CACNB2: variants seen among roughly 807,000 people sequenced by gnomAD.
CACNB2 encodes the protein voltage-dependent L-type calcium channel subunit beta-2.
In CACNB2, 42 loss-of-function variants were observed where a neutral mutation model predicts 73.3. That is an observed-to-expected ratio of 0.57 (90% confidence interval 0.45 to 0.74). CACNB2 has a LOEUF of 0.74. Ranked by LOEUF, CACNB2 falls within the 30% of genes least tolerant of loss-of-function variation. The probability of loss-of-function intolerance (pLI) is 0.00; values close to 1 mark genes in which losing one functional copy is unlikely to be tolerated. For synonymous variants in CACNB2, 348 were observed against 310.3 expected, an observed-to-expected ratio of 1.12 and a Z score of -1.28; for missense variants, 940 against 853.0, an observed-to-expected ratio of 1.10 and a Z score of -1.27.
At chr10:18,482,761 C>G (rs912663061) in intron 3 of CACNB2, among the ~76,000 whole-genome samples, 1 of 152,146 alleles carries the variant, frequency 6.6e-6, no homozygotes, top group South Asian at 2.1e-4. Flanking sequence ...ATCCGCCCAC[C>G]TCACCCTCCC....
At chr10:18,374,005 A>G (rs375627413) in intron 2 of CACNB2, among the ~76,000 whole-genome samples, 2 of 152,356 alleles carry the variant, frequency 1.3e-5, no homozygotes, top group African/African-American at 4.8e-5. Context: ...TCACACTCCC[A>G]TATTGCATTG....
chr10:18,418,734 A>G (rs1262518656), intron 3 of CACNB2, among the ~76,000 whole-genome samples: 1 of 152,216 alleles, frequency 6.6e-6, no homozygotes, highest in East Asian at 1.9e-4. Flanking sequence ...TGGTCTATAA[A>G]TGTGTTCTGA....
At chr10:18,523,505 T>C (rs10828834) in intron 9 of CACNB2, among the ~76,000 whole-genome samples, 121,468 of 151,828 alleles carry the variant, frequency 0.8, 48,682 homozygotes, top group East Asian at 0.98. Context: ...GAAGTAACTT[T>C]CATATGGTTT....
rs183407945 is a variant in CACNB2, at chr10:18,527,468, T to A, written c.945-120T>A. 889 of 726,882 alleles carry A rather than the reference T, an allele frequency of 1.2e-3. 9 individuals carry two copies. The African/African-American group carries it at 0.013, about 11-fold the overall frequency. 45.0% of individuals were successfully genotyped at this position (726,882 alleles called of 1,614,324 possible). On this transcript the variant is annotated intron_variant, in intron 9 of 13. Transcript: ENST00000324631. ...GAATAAGTAAGTATCCTAACACATA[T>A]GGTTTGAAAATATGGTTGCTATATA... is the stretch of plus-strand genomic sequence containing the variant.
intron 2 of CACNB2, among the ~76,000 whole-genome samples, chr10:18,296,181 CA>C (rs1157818944): frequency 1.3e-5 from 2 of 152,024 alleles, no homozygotes; most frequent in Non-Finnish European, 2.9e-5. Context: ...CCGACAATAA[CA>C]GTTTCTAAAA....
At chr10:18,209,257 C>A (rs1330050344) in intron 2 of CACNB2, among the ~76,000 whole-genome samples, 7 of 152,144 alleles carry the variant, frequency 4.6e-5, no homozygotes, top group Non-Finnish European at 1.0e-4. Flanking sequence ...TTGACGGCAA[C>A]ATCACCTGCA....
chr10:18,198,907 T>G (rs1006894553), intron 2 of CACNB2, among the ~76,000 whole-genome samples: 2 of 152,224 alleles, frequency 1.3e-5, no homozygotes, highest in Non-Finnish European at 2.9e-5. Flanking sequence ...AATGTTAAAA[T>G]TCACTCATTA....
chr10:18,290,280 G>A (rs529957427), intron 2 of CACNB2, among the ~76,000 whole-genome samples: 3 of 151,766 alleles, frequency 2.0e-5, no homozygotes, highest in African/African-American at 7.2e-5. Flanking sequence ...GCCCACCTCG[G>A]CCTCCGAAAA....
At chr10:18,151,525 C>A (rs1391687914) in intron 2 of CACNB2, among the ~76,000 whole-genome samples, 4 of 152,260 alleles carry the variant, frequency 2.6e-5, no homozygotes, top group Non-Finnish European at 2.9e-5. Context: ...GTAGTATCTT[C>A]CTGCCAAGCA....
At chr10:18,345,022 A>G (rs780265070) in intron 2 of CACNB2, among the ~76,000 whole-genome samples, 3 of 152,224 alleles carry the variant, frequency 2.0e-5, no homozygotes, top group African/African-American at 4.8e-5. Flanking sequence ...TCAGCATAAT[A>G]TAACATCGTG....
intron 3 of CACNB2, among the ~76,000 whole-genome samples, chr10:18,404,151 T>A (rs983394437): frequency 1.8e-4 from 28 of 152,150 alleles, no homozygotes; most frequent in African/African-American, 6.3e-4. Flanking sequence ...ATTTATATTT[T>A]TTCTTTAAAA....
intron 3 of CACNB2, among the ~76,000 whole-genome samples, chr10:18,417,482 C>T (rs1180760578): frequency 6.6e-6 from 1 of 150,556 alleles, no homozygotes; most frequent in Non-Finnish European, 1.5e-5. Context: ...GATTCTCCTG[C>T]CTCAGCCTCC....
intron 3 of CACNB2, among the ~76,000 whole-genome samples, chr10:18,447,984 A>G (rs982313541): frequency 3.9e-5 from 6 of 152,092 alleles, no homozygotes; most frequent in African/African-American, 1.4e-4. Flanking sequence ...GGAGAGGGAA[A>G]GACACTTTCT....
chr10:18,263,361 C>T (rs1466484174), intron 2 of CACNB2, among the ~76,000 whole-genome samples: 3 of 152,270 alleles, frequency 2.0e-5, no homozygotes, highest in South Asian at 2.1e-4. Flanking sequence ...GTTAGGACCT[C>T]GTCATACTGG....
intron 3 of CACNB2, among the ~76,000 whole-genome samples, chr10:18,413,138 T>C (rs111308776): frequency 1.5e-3 from 222 of 152,194 alleles, no homozygotes; most frequent in Non-Finnish European, 2.3e-3. Flanking sequence ...ACCCAGGTAA[T>C]TTTTTGTATT....
intron 3 of CACNB2, among the ~76,000 whole-genome samples, chr10:18,410,097 TC>T (rs993874548): frequency 3.3e-5 from 5 of 152,122 alleles, no homozygotes; most frequent in African/African-American, 1.2e-4. Flanking sequence ...CAGTTCCACC[TC>T]CTTGCCAGGG....
At chr10:18,244,058 G>T (rs2036767884) in intron 2 of CACNB2, among the ~76,000 whole-genome samples, 1 of 152,152 alleles carries the variant, frequency 6.6e-6, no homozygotes, top group African/African-American at 2.4e-5. Context: ...AACTAATAAT[G>T]CAATGTGGCA....
At chr10:18,503,473 G>C (rs915257211) in intron 5 of CACNB2, among the ~76,000 whole-genome samples, 5 of 152,294 alleles carry the variant, frequency 3.3e-5, no homozygotes, top group Admixed American at 3.3e-4. Context: ...GTGCACACCT[G>C]TAACCCCAGC....
At chr10:18,258,058 A>G (rs967031368) in intron 2 of CACNB2, among the ~76,000 whole-genome samples, 1 of 152,120 alleles carries the variant, frequency 6.6e-6, no homozygotes, top group Non-Finnish European at 1.5e-5. Flanking sequence ...CAGTTCTTAT[A>G]CGTGCCTAGA....
Sources: gnomAD v4.1 joint callset for allele counts (sites outside exome capture counted in the v4.1 genomes callset) on GRCh38, gnomAD v4.1.1 for gene constraint, MANE v1.5 for transcripts, NCBI Gene and HGNC (gene_info 2026-07-23, HGNC 2026-07-21) for gene names.